EIF4G3: variants seen among roughly 807,000 people sequenced by gnomAD.
The protein encoded by EIF4G3 is eIF-4-gamma 3.
EIF4G3 carries 34 observed loss-of-function variants against 186.4 expected under a neutral mutation model. The observed-to-expected ratio is 0.18, with a 90% CI of 0.14 to 0.24. EIF4G3 has a LOEUF of 0.24. Ranked by LOEUF, EIF4G3 falls within the 10% of genes least tolerant of loss-of-function variation. EIF4G3 has a pLI of 1.00. For missense variants in EIF4G3, 1,536 were observed against 1,948.5 expected, an observed-to-expected ratio of 0.79 and a Z score of 3.99; for synonymous variants, 673 against 679.5, an observed-to-expected ratio of 0.99 and a Z score of 0.15.
intron 3 of EIF4G3, among the ~76,000 whole-genome samples, chr1:21,055,399 C>A (rs2094516120): frequency 6.6e-6 from 1 of 151,840 alleles, no homozygotes; most frequent in Non-Finnish European, 1.5e-5. Context: ...TTGCCCATGA[C>A]AATTAAATCA....
At chr1:21,059,647 A>G (rs1222313924) in intron 3 of EIF4G3, among the ~76,000 whole-genome samples, 1 of 152,216 alleles carries the variant, frequency 6.6e-6, no homozygotes, top group Non-Finnish European at 1.5e-5. Flanking sequence ...ACAGATATTC[A>G]AGTATATTTT....
chr1:21,124,807 A>C (rs1375437806), intron 2 of EIF4G3, among the ~76,000 whole-genome samples: 1 of 152,240 alleles, frequency 6.6e-6, no homozygotes, highest in Non-Finnish European at 1.5e-5. Flanking sequence ...AGTCAAGTTA[A>C]AGAACTTCAT....
intron 18 of EIF4G3, 163 bp downstream of exon 18, chr1:20,893,354 T>TCTTTATCTG: frequency 1.5e-6 from 1 of 685,962 alleles, no homozygotes; most frequent in Admixed American, 3.7e-5. Flanking sequence ...TCAAGTGTAT[T>TCTTTATCTG]CTTTATCTGC....
intron 2 of EIF4G3, among the ~76,000 whole-genome samples, chr1:21,160,966 T>A (rs1424098048): frequency 6.6e-6 from 1 of 151,980 alleles, no homozygotes. Context: ...AGGTCGGGAG[T>A]TCGTGACCAG....
At chr1:20,983,173 C>A (rs990943195) in intron 7 of EIF4G3, among the ~76,000 whole-genome samples, 1 of 152,142 alleles carries the variant, frequency 6.6e-6, no homozygotes, top group Non-Finnish European at 1.5e-5. Context: ...CCCATTCAGC[C>A]TTCCTACCCC....
intron 7 of EIF4G3, 95 bp downstream of exon 7, chr1:20,997,506 T>C: frequency 8.6e-7 from 1 of 1,164,538 alleles, no homozygotes; most frequent in East Asian, 2.6e-5. Flanking sequence ...GTAATTTGAG[T>C]AGTTCTATGG....
intron 14 of EIF4G3, among the ~76,000 whole-genome samples, chr1:20,916,573 C>CT (rs374903629): frequency 5.6e-4 from 85 of 151,786 alleles, no homozygotes; most frequent in African/African-American, 2.0e-3. Flanking sequence ...TTTCAACTGT[C>CT]TTTTTTTTGC....
intron 14 of EIF4G3, among the ~76,000 whole-genome samples, chr1:20,935,556 T>G (rs2095492107): frequency 6.6e-6 from 1 of 152,240 alleles, no homozygotes; most frequent in Non-Finnish European, 1.5e-5. Flanking sequence ...TTTTTAATTC[T>G]AAATTTTTAA....
intron 16 of EIF4G3, 62 bp from the exon 17 acceptor site, chr1:20,895,563 T>G: frequency 2.0e-6 from 3 of 1,535,668 alleles, no homozygotes; most frequent in Non-Finnish European, 2.7e-6. Flanking sequence ...ATGCATTGCA[T>G]AACGATGTTT....
chr1:21,002,854 G>C, intron 4 of EIF4G3, 46 bp from the exon 5 acceptor site: 1 of 1,089,244 alleles, frequency 9.2e-7, no homozygotes, highest in South Asian at 1.4e-5. Flanking sequence ...AAAAAATATG[G>C]CATGGCAATT....
intron 7 of EIF4G3, among the ~76,000 whole-genome samples, chr1:20,986,767 A>AAAAAAAAG (rs2079631159): frequency 1.4e-5 from 2 of 144,136 alleles, no homozygotes; most frequent in Non-Finnish European, 3.1e-5. Flanking sequence ...AAAAAAAAAA[A>AAAAAAAAG]AAAAGAAAAC....
chr1:21,112,191 A>G lies in EIF4G3; in HGVS notation c.-271-22978T>C, dbSNP rs568400176. Among the ~76,000 whole-genome samples, 59 of 152,332 alleles carry G rather than the reference A, an allele frequency of 3.9e-4. 1 individual carries two copies. The highest frequency in any genetic ancestry group is 1.4e-3 in the African/African-American group (59 of 41,582). ...AATATTAGCTACCACCACTCAGAAA[A>G]TATAATTCTCTTCCTTCATCCTGTA... On this transcript the variant is annotated intron_variant, in intron 2 of 36. Transcript: ENST00000602326.
intron 15 of EIF4G3, among the ~76,000 whole-genome samples, chr1:20,903,560 A>C (rs899577007): frequency 1.3e-5 from 2 of 152,336 alleles, no homozygotes; most frequent in African/African-American, 4.8e-5. Flanking sequence ...TTTCAGGTTC[A>C]GCTGCAAAAG....
chr1:20,914,667 T>C (rs2093661737), intron 14 of EIF4G3, among the ~76,000 whole-genome samples: 1 of 152,134 alleles, frequency 6.6e-6, no homozygotes, highest in Non-Finnish European at 1.5e-5. Flanking sequence ...AATGGGTGGG[T>C]TTTCATTTTC....
At chr1:20,860,257 A>C (rs1386691170) in intron 24 of EIF4G3, 128 bp downstream of exon 24, 1 of 1,291,960 alleles carries the variant, frequency 7.7e-7, no homozygotes, top group African/African-American at 1.5e-5. Context: ...AAACTGCTTC[A>C]CCTAACAATC....
intron 4 of EIF4G3, among the ~76,000 whole-genome samples, chr1:21,009,960 GTCT>G (rs1570904450): frequency 1.3e-5 from 2 of 151,994 alleles, no homozygotes; most frequent in East Asian, 1.9e-4. Context: ...GCTGAAAACT[GTCT>G]TCTTAAGTGC....
chr1:21,053,483 G>A (rs1200012461), intron 3 of EIF4G3, among the ~76,000 whole-genome samples: 16 of 147,050 alleles, frequency 1.1e-4, no homozygotes, highest in South Asian at 2.1e-4. Flanking sequence ...CTGCCCGGCC[G>A]CCCCTACTGG....
intron 29 of EIF4G3, among the ~76,000 whole-genome samples, chr1:20,845,688 T>C (rs956617433): frequency 6.6e-6 from 1 of 151,494 alleles, no homozygotes; most frequent in African/African-American, 2.4e-5. Flanking sequence ...AATAAATAAA[T>C]AAAAAATAAA....
At chr1:20,910,561 C>T (rs544824870) in intron 14 of EIF4G3, among the ~76,000 whole-genome samples, 52 of 152,116 alleles carry the variant, frequency 3.4e-4, no homozygotes, top group Non-Finnish European at 6.5e-4. Flanking sequence ...TCAGCCTGGG[C>T]GACAGTGTGA....
Sources: allele counts gnomAD v4.1 joint callset (sites outside exome capture counted in the v4.1 genomes callset), GRCh38; gene constraint gnomAD v4.1.1; transcripts MANE v1.5; gene names NCBI Gene and HGNC (gene_info 2026-07-23, HGNC 2026-07-21).